Variants in ERBB4 observed in about 807,000 individuals in gnomAD.
The protein encoded by ERBB4 is receptor tyrosine-protein kinase erbB-4.
In ERBB4, 42 loss-of-function variants were observed where a neutral mutation model predicts 158.0. That is an observed-to-expected ratio of 0.27 (90% CI 0.21 to 0.34). ERBB4 has a LOEUF of 0.34. Ranked by LOEUF, ERBB4 falls within the 10% of genes least tolerant of loss-of-function variation. The probability of loss-of-function intolerance (pLI) is 1.00; values close to 1 mark genes in which losing one functional copy is unlikely to be tolerated. For missense variants in ERBB4, 1,333 were observed against 1,624.1 expected (o/e 0.82, Z 3.08); for synonymous variants, 583 against 558.7 (o/e 1.04, Z -0.61).
At chr2:212,468,723 C>A (rs1688967957) in intron 1 of ERBB4, among the ~76,000 whole-genome samples, 1 of 152,154 alleles carries the variant, frequency 6.6e-6, no homozygotes, top group African/African-American at 2.4e-5. Context: ...GTGGTAGAAC[C>A]AATGCTGGGA....
At chr2:212,139,865 T>G (rs545842367) in intron 1 of ERBB4, among the ~76,000 whole-genome samples, 27 of 152,042 alleles carry the variant, frequency 1.8e-4, no homozygotes, top group Admixed American at 9.2e-4. Flanking sequence ...TTTCCGAACA[T>G]GACTCATTTT....
chr2:212,232,797 T>C (rs2083714847), intron 1 of ERBB4, among the ~76,000 whole-genome samples: 1 of 152,174 alleles, frequency 6.6e-6, no homozygotes, highest in Admixed American at 6.5e-5. Context: ...ACATGAGACA[T>C]AGCAGTGCCT....
intron 24 of ERBB4, 28 bp from the exon 25 acceptor site, chr2:211,420,639 AAATATGATTC>A: frequency 1.3e-6 from 2 of 1,589,766 alleles, no homozygotes; most frequent in Non-Finnish European, 1.7e-6. Flanking sequence ...CATCAGACAC[AAATATGATTC>A]TTTCTTATCT....
intron 16 of ERBB4, among the ~76,000 whole-genome samples, chr2:211,634,191 T>C (rs1280789281): frequency 6.6e-6 from 1 of 152,208 alleles, no homozygotes; most frequent in African/African-American, 2.4e-5. Flanking sequence ...GAAAAAATCA[T>C]TGTCTAAAAG....
chr2:212,503,395 C>G (rs1691008281), intron 1 of ERBB4, among the ~76,000 whole-genome samples: 1 of 152,220 alleles, frequency 6.6e-6, no homozygotes, highest in East Asian at 1.9e-4. Flanking sequence ...AATATAGCCT[C>G]TTTTCCTACT....
chr2:211,587,443 A>T lies in ERBB4; in HGVS notation c.2302-25355T>A, dbSNP rs181598141. 9.6e-4 allele frequency among the ~76,000 whole-genome samples: 146 copies of T among 152,306 alleles called. 1 individual carries two copies. Among genetic ancestry groups the T allele is most frequent in the East Asian group, 1.9e-4 (1 of 5,166 alleles). On this transcript the variant is annotated intron_variant, in intron 19 of 27. Coordinates refer to ENST00000342788, the MANE Select transcript of ERBB4 (RefSeq NM_005235.3). ...CTTATAACAGGATGGCCATGTGAAGACACAGAAGCATAGGGAGAATGGCAC... is the reference window on the plus strand; with the variant it reads ...CTTATAACAGGATGGCCATGTGAAGTCACAGAAGCATAGGGAGAATGGCAC...
chr2:211,968,911 C>T (rs2081377594), intron 2 of ERBB4, among the ~76,000 whole-genome samples: 1 of 151,890 alleles, frequency 6.6e-6, no homozygotes, highest in Non-Finnish European at 1.5e-5. Flanking sequence ...ATCATTACAA[C>T]CCATTGAAGG....
intron 1 of ERBB4, among the ~76,000 whole-genome samples, chr2:212,244,058 A>T (rs1487956165): frequency 6.6e-6 from 1 of 152,106 alleles, no homozygotes; most frequent in East Asian, 1.9e-4. Context: ...ACGATCTTCT[A>T]GGGGAGGTCC....
intron 2 of ERBB4, among the ~76,000 whole-genome samples, chr2:212,022,746 T>C (rs2076684376): frequency 6.6e-6 from 1 of 152,054 alleles, no homozygotes; most frequent in African/African-American, 2.4e-5. Context: ...TGAGTTTTAT[T>C]TGTATTTTTT....
At position 211,650,990 on chromosome 2, in the gene ERBB4, ATCTTGAGAGAGACTTACAGGTC is replaced by A. The variant is rs1471152322; in HGVS notation, c.1946+6742_1946+6763del. ...TATTGGACAGTGCAGGTCTAGAGCA[ATCTTGAGAGAGACTTACAGGTC>A]TGATGACTTAATGAAAAGGCCACAA... On this transcript the variant is annotated intron_variant, in intron 16 of 27. Coordinates refer to ENST00000342788, the MANE Select transcript of ERBB4 (RefSeq NM_005235.3). Among the ~76,000 whole-genome samples, 6 of 152,300 alleles carry A rather than the reference ATCTTGAGAGAGACTTACAGGTC, an allele frequency of 3.9e-5. No homozygotes were observed. In the East Asian group the frequency reaches 9.7e-4, roughly 25 times the overall value.
intron 12 of ERBB4, among the ~76,000 whole-genome samples, chr2:211,683,763 T>C (rs2072452376): frequency 6.6e-6 from 1 of 150,788 alleles, no homozygotes; most frequent in African/African-American, 2.4e-5. Context: ...TTTAAGAAAG[T>C]AGCAAACTAT....
intron 1 of ERBB4, among the ~76,000 whole-genome samples, chr2:212,425,856 G>T (rs1439420437): frequency 4.6e-5 from 7 of 151,904 alleles, no homozygotes; most frequent in Admixed American, 1.3e-4. Flanking sequence ...AAAAGTTTTT[G>T]TATTCCTCAT....
intron 26 of ERBB4, 48 bp from the exon 27 acceptor site, chr2:211,387,198 G>C: frequency 7.2e-7 from 1 of 1,381,708 alleles, no homozygotes; most frequent in Non-Finnish European, 1.0e-6. Flanking sequence ...GTTAGAAATA[G>C]TTTAAAAATG....
intron 1 of ERBB4, among the ~76,000 whole-genome samples, chr2:212,139,606 C>T (rs749038638): frequency 2.6e-5 from 4 of 151,234 alleles, no homozygotes; most frequent in Non-Finnish European, 4.4e-5. Context: ...TTCAATTGTA[C>T]GTTTTAAATT....
chr2:211,503,646 A>C (rs981411124), intron 20 of ERBB4, among the ~76,000 whole-genome samples: 2 of 152,118 alleles, frequency 1.3e-5, no homozygotes, highest in Non-Finnish European at 2.9e-5. Context: ...AATTAGCCTA[A>C]CGGGTCAGGC....
At chr2:211,671,106 T>C (rs1436138856) in intron 14 of ERBB4, among the ~76,000 whole-genome samples, 2 of 152,204 alleles carry the variant, frequency 1.3e-5, no homozygotes, top group African/African-American at 4.8e-5. Flanking sequence ...TTCATAAATA[T>C]ATTTGATTTT....
chr2:211,400,403 T>C (rs1013455861), intron 25 of ERBB4, among the ~76,000 whole-genome samples: 2 of 152,280 alleles, frequency 1.3e-5, no homozygotes, highest in Admixed American at 6.6e-5. Flanking sequence ...CAAATAAGCA[T>C]ACACTTTTTA....
At chr2:211,432,956 T>G (rs2063774579) in intron 20 of ERBB4, among the ~76,000 whole-genome samples, 1 of 152,154 alleles carries the variant, frequency 6.6e-6, no homozygotes, top group South Asian at 2.1e-4. Flanking sequence ...CCTTATGTAG[T>G]ATAGCCTAGC....
chr2:212,286,854 G>C (rs553123999), intron 1 of ERBB4, among the ~76,000 whole-genome samples: 8 of 136,016 alleles, frequency 5.9e-5, no homozygotes, highest in South Asian at 2.4e-4. Flanking sequence ...CAAGCGATCC[G>C]CCAGCCTCTG....
Sources: gnomAD v4.1 joint callset for allele counts (sites outside exome capture counted in the v4.1 genomes callset) on GRCh38, gnomAD v4.1.1 for gene constraint, MANE v1.5 for transcripts, NCBI Gene and HGNC (gene_info 2026-07-23, HGNC 2026-07-21) for gene names.